Variants in BNC1 observed in about 807,000 individuals in gnomAD.
The protein encoded by BNC1 is zinc finger protein basonuclin-1.
In BNC1, 8 loss-of-function variants were observed where a neutral mutation model predicts 66.5. That is an observed-to-expected ratio of 0.12 (90% CI 0.07 to 0.22). BNC1 has a LOEUF of 0.22. BNC1 is among the 10% of genes least tolerant of loss of function. The pLI is 1.00. For synonymous variants in BNC1, 454 were observed against 452.6 expected (o/e 1.00, Z -0.04); for missense variants, 1,069 against 1,241.3 (o/e 0.86, Z 2.09).
At chr15:83,267,737 T>G (rs557969430) in intron 2 of BNC1, among the ~76,000 whole-genome samples, 6 of 152,308 alleles carry the variant, frequency 3.9e-5, no homozygotes, top group African/African-American at 1.4e-4. Flanking sequence ...ATGGGTAGGA[T>G]ATACATATAC....
At chr15:83,281,787 G>A (rs1207794736) in intron 1 of BNC1, among the ~76,000 whole-genome samples, 6 of 152,206 alleles carry the variant, frequency 3.9e-5, no homozygotes, top group African/African-American at 7.2e-5. Context: ...TGTGTGCTTA[G>A]GGACAACTAC....
Position 83,256,613 on chromosome 15 carries a change from A to C in BNC1, c.*829T>G, listed in dbSNP as rs772513806. 2.6e-5 allele frequency: 4 copies of C among 152,254 alleles called. No individual in the cohort carries two copies. The highest frequency in any genetic ancestry group is 5.9e-5 in the Non-Finnish European group (4 of 68,034). 9.4% of individuals were successfully genotyped at this position (152,254 alleles called of 1,614,324 possible). ...ACAGAGTTTGAAGTTCACCAAATGA[A>C]AACGAGCAGTGATTTTGACATTTAG... On this transcript the variant is annotated 3_prime_UTR_variant, in exon 5 of 5. Transcript: ENST00000345382.
chr15:83,270,555 G>C (rs2038260346), intron 1 of BNC1, among the ~76,000 whole-genome samples: 1 of 151,996 alleles, frequency 6.6e-6, no homozygotes, highest in Non-Finnish European at 1.5e-5. Flanking sequence ...TCTCATTGTG[G>C]TTTTGATTTG....
intron 1 of BNC1, among the ~76,000 whole-genome samples, chr15:83,279,302 C>G (rs900230276): frequency 6.6e-6 from 1 of 152,110 alleles, no homozygotes; most frequent in Non-Finnish European, 1.5e-5. Context: ...GTTGAATCCC[C>G]AAGCACATAT....
intron 1 of BNC1, chr15:83,283,044 C>T: frequency 2.1e-6 from 3 of 1,430,254 alleles, no homozygotes; most frequent in Non-Finnish European, 2.8e-6. Flanking sequence ...GGGGACGTTA[C>T]CGAACCCCCG....
chr15:83,280,645 G>A (rs944121539), intron 1 of BNC1, among the ~76,000 whole-genome samples: 1 of 152,232 alleles, frequency 6.6e-6, no homozygotes, highest in African/African-American at 2.4e-5. Context: ...AGAGTTGACA[G>A]TATAAAAATT....
In BNC1 at chr15:83,271,598, G is replaced by C. The variant is rs536916363; in HGVS notation, c.100-3366C>G. Among the ~76,000 whole-genome samples the C allele has an allele frequency of 5.9e-5, 9 of 152,260 alleles. No individual in the cohort carries two copies. The East Asian group carries it at 1.7e-3, about 29-fold the overall frequency. On this transcript the variant is annotated intron_variant, in intron 1 of 4. Coordinates refer to ENST00000345382, the MANE Select transcript of BNC1 (RefSeq NM_001717.4). The stretch of plus-strand genomic sequence containing the variant: ...ATCATCCCCAAAGGAATAAAAATTG[G>C]TCTTGGGGGGTGAAAGAATTACTCT...
At chr15:83,276,186 A>G (rs2038321082) in intron 1 of BNC1, among the ~76,000 whole-genome samples, 1 of 152,190 alleles carries the variant, frequency 6.6e-6, no homozygotes, top group Non-Finnish European at 1.5e-5. Flanking sequence ...CAATCAATCA[A>G]AACAGTGAGA....
Position 83,263,843 on chromosome 15 carries a change from G to A in BNC1, c.1408C>T (p.Pro470Ser), listed in dbSNP as rs751394257. Residue 470 changes from proline to serine, a missense_variant, in exon 4 of 5, where the codon CCA becomes TCA. Coordinates refer to ENST00000345382, the MANE Select transcript of BNC1 (RefSeq NM_001717.4). ...GEDSKGQPAF[P>S]NIGQNGVLFP... ...AGCACACCATTTTGCCCAATGTTTG[G>A]GAAGGCTGGTTGGCCTTTGGAATCC... 6.2e-7 allele frequency: 1 copy of A among 1,614,176 alleles called. No individual in the cohort carries two copies. Among genetic ancestry groups the A allele is most frequent in the Non-Finnish European group, 8.5e-7 (1 of 1,180,030 alleles).
chr15:83,276,035 C>G, intron 1 of BNC1, among the ~76,000 whole-genome samples: 1 of 152,134 alleles, frequency 6.6e-6, no homozygotes, highest in East Asian at 1.9e-4. Context: ...CAACCTATGT[C>G]TTACTTCCAG....
chr15:83,272,764 T>C (rs1328429386), intron 1 of BNC1, among the ~76,000 whole-genome samples: 2 of 152,162 alleles, frequency 1.3e-5, no homozygotes, highest in African/African-American at 4.8e-5. Context: ...CATAGATTAA[T>C]ACTGAAACTT....
At position 83,284,512 on chromosome 15, in the gene BNC1, G is replaced by T. The variant is rs1287434827; in HGVS notation, c.99+18C>A. The T allele has an allele frequency of 2.5e-6, 3 of 1,197,486 alleles. No homozygotes were observed. The highest frequency in any genetic ancestry group is 3.1e-6 in the Non-Finnish European group (3 of 953,744). 74.2% of individuals were successfully genotyped at this position (1,197,486 alleles called of 1,614,324 possible). On this transcript the variant is annotated intron_variant, in intron 1 of 4. Transcript: ENST00000345382. Reference sequence around the variant, plus strand: ...GCGCACAGAGAATCCCCGCGCCCGCGGAGGGCGCCGCGCTTACCTCGGCCA... The same window carrying T: ...GCGCACAGAGAATCCCCGCGCCCGCTGAGGGCGCCGCGCTTACCTCGGCCA...
chr15:83,281,033 A>G (rs556942465), intron 1 of BNC1, among the ~76,000 whole-genome samples: 39 of 152,108 alleles, frequency 2.6e-4, no homozygotes, highest in African/African-American at 9.2e-4. Context: ...CAAGAGTGAC[A>G]GTCTGTTTGC....
Position 83,257,907 on chromosome 15 carries a change from G to A in BNC1, c.2520C>T (p.Ala840=), listed in dbSNP as rs1208135114. The change falls in exon 5 of 5, where the codon GCC becomes GCT. Residue 840 remains alanine, a synonymous_variant. Coordinates refer to ENST00000345382, the MANE Select transcript of BNC1 (RefSeq NM_001717.4). ...LVYPITQVHS[A]SLESYNSGPL... ...GGCCAGAGTTGTAGCTCTCCAGGCT[G>A]GCACTGTGGACTTGCGTTATTGGGT... 6.2e-7 allele frequency: 1 copy of A among 1,614,084 alleles called. No homozygotes were observed. Among genetic ancestry groups the A allele is most frequent in the Non-Finnish European group, 8.5e-7 (1 of 1,180,034 alleles).
rs536088637 is a variant in BNC1, at chr15:83,259,980, C to CCT, written c.2301-1856_2301-1855dup. 6.1e-4 allele frequency among the ~76,000 whole-genome samples: 93 copies of CCT among 152,284 alleles called. 1 individual carries two copies. The highest frequency in any genetic ancestry group is 2.2e-3 in the African/African-American group (91 of 41,570). ...TCAACCCTACAACCTCTACCTCTCC[C>CCT]CTCCAACTCTTCCTCTTGGCTTCTA... On this transcript the variant is annotated intron_variant, in intron 4 of 4. Coordinates refer to ENST00000345382, the MANE Select transcript of BNC1 (RefSeq NM_001717.4).
chr15:83,259,856 C>G (rs973829479), intron 4 of BNC1, among the ~76,000 whole-genome samples: 3 of 152,108 alleles, frequency 2.0e-5, no homozygotes, highest in Admixed American at 2.0e-4. Context: ...AGACCAGTAA[C>G]TACTACAACT....
chr15:83,257,175 A>C lies in BNC1; in HGVS notation c.*267T>G. ...ATCTGTCCCAGGGAACATGTAAACA[A>C]ATCTGGGAAAAATCACATTTCTGCA... On this transcript the variant is annotated 3_prime_UTR_variant, in exon 5 of 5. Coordinates refer to ENST00000345382, the MANE Select transcript of BNC1 (RefSeq NM_001717.4). 1 of 514,032 alleles carries C rather than the reference A, an allele frequency of 1.9e-6. No individual in the cohort carries two copies. Among genetic ancestry groups the C allele is most frequent in the Non-Finnish European group, 3.4e-6 (1 of 290,010 alleles). 31.8% of individuals were successfully genotyped at this position (514,032 alleles called of 1,614,324 possible). A position where few individuals can be genotyped will look rare whatever the true frequency, so the allele number is the denominator to read the frequency against.
At chr15:83,283,611 G>A (rs948398777) in intron 1 of BNC1, among the ~76,000 whole-genome samples, 1 of 152,230 alleles carries the variant, frequency 6.6e-6, no homozygotes, top group East Asian at 1.9e-4. Flanking sequence ...GCAGCCGCGG[G>A]CTCCGCAGCC....
rs76146526 is a variant in BNC1 at position 83,262,712 on chromosome 15, A to G, written c.2300+239T>C. ...GGAACTTGTATTCATGAATGTTGAA[A>G]TATGAAAATTCATACAACAGTGTTT... is the stretch of plus-strand genomic sequence containing the variant. On this transcript the variant is annotated intron_variant, in intron 4 of 4. Transcript: ENST00000345382. Among the ~76,000 whole-genome samples the G allele has an allele frequency of 2.8e-3, 433 of 152,300 alleles. 4 individuals carry two copies. The highest frequency in any genetic ancestry group is 9.9e-3 in the African/African-American group (411 of 41,554).
Sources: gnomAD v4.1 joint callset for allele counts (sites outside exome capture counted in the v4.1 genomes callset) on GRCh38, gnomAD v4.1.1 for gene constraint, MANE v1.5 for transcripts, NCBI Gene and HGNC (gene_info 2026-07-23, HGNC 2026-07-21) for gene names.